Variants in TTBK2 observed in about 807,000 individuals in gnomAD.
TTBK2 encodes tau tubulin kinase 2.
TTBK2 carries 28 observed loss-of-function variants against 110.8 expected under a neutral mutation model. The observed-to-expected ratio is 0.25, with a 90% CI of 0.19 to 0.35. The LOEUF (loss-of-function observed/expected upper bound fraction) is 0.35, where lower values mean the gene tolerates loss of function less well. TTBK2 is among the 10% of genes least tolerant of loss of function. The pLI is 1.00. For missense variants in TTBK2, 1,369 were observed against 1,500.3 expected, an observed-to-expected ratio of 0.91 and a Z score of 1.45; for synonymous variants, 532 against 527.3, an observed-to-expected ratio of 1.01 and a Z score of -0.12.
chr15:42,807,311 TGGATTCCA>T lies in TTBK2; in HGVS notation c.822+3295_822+3302del, dbSNP rs1891509213. On this transcript the variant is annotated intron_variant, in intron 9 of 14. Transcript: ENST00000267890. ...GGCTCACCAACGGTGTGTATATTTA[TGGATTCCA>T]TTAGTCTTCTCAACTTGCTAAGTGA... Among the ~76,000 whole-genome samples, 3 of 152,300 alleles carry T rather than the reference TGGATTCCA, an allele frequency of 2.0e-5. No individual in the cohort carries two copies. The South Asian group carries it at 6.2e-4, about 32-fold the overall frequency.
At chr15:42,854,442 G>A (rs148982174) in intron 3 of TTBK2, among the ~76,000 whole-genome samples, 191 of 152,198 alleles carry the variant, frequency 1.3e-3, no homozygotes, top group African/African-American at 4.1e-3. Context: ...AACATGTAAC[G>A]TAATTCAGTC....
chr15:42,877,535 A>G (rs995085359), intron 2 of TTBK2, among the ~76,000 whole-genome samples: 1 of 152,230 alleles, frequency 6.6e-6, no homozygotes, highest in African/African-American at 2.4e-5. Context: ...AGAAATGAAA[A>G]GTAATGGCAA....
intron 9 of TTBK2, chr15:42,800,324 TA>T: frequency 2.3e-6 from 1 of 436,736 alleles, no homozygotes. Context: ...TCCTACTACC[TA>T]AAATACCCTT....
At chr15:42,791,967 C>G (rs1339171601) in intron 10 of TTBK2, among the ~76,000 whole-genome samples, 2 of 152,118 alleles carry the variant, frequency 1.3e-5, no homozygotes, top group African/African-American at 4.8e-5. Flanking sequence ...CATGGTGAAA[C>G]CCCCTCTCTA....
chr15:42,820,881 A>G (rs540810608), intron 6 of TTBK2, among the ~76,000 whole-genome samples: 4 of 152,162 alleles, frequency 2.6e-5, no homozygotes, highest in Admixed American at 2.0e-4. Context: ...ATGGTGGCAC[A>G]CACCTATAGC....
chr15:42,867,016 G>A (rs994772467), intron 3 of TTBK2, among the ~76,000 whole-genome samples: 26 of 152,108 alleles, frequency 1.7e-4, no homozygotes, highest in Admixed American at 3.9e-4. Context: ...AGGCCGAGGC[G>A]GGCGGATCAC....
intron 7 of TTBK2, among the ~76,000 whole-genome samples, chr15:42,813,496 T>A (rs1393411995): frequency 1.3e-5 from 2 of 151,992 alleles, no homozygotes. Context: ...TACTCCAGCC[T>A]GGGCAACAGA....
intron 3 of TTBK2, among the ~76,000 whole-genome samples, chr15:42,872,304 A>C (rs1237056158): frequency 6.6e-6 from 1 of 152,350 alleles, no homozygotes; most frequent in East Asian, 1.9e-4. Context: ...AGTTTAAAAA[A>C]GAAAGGCAAA....
At chr15:42,772,701 T>A (rs1889729496) in intron 13 of TTBK2, among the ~76,000 whole-genome samples, 3 of 152,082 alleles carry the variant, frequency 2.0e-5, no homozygotes, top group African/African-American at 7.2e-5. Flanking sequence ...ATCCCAAGAT[T>A]ATAGACAGGC....
At chr15:42,899,897 C>A (rs2029889901) in intron 1 of TTBK2, among the ~76,000 whole-genome samples, 1 of 150,884 alleles carries the variant, frequency 6.6e-6, no homozygotes, top group South Asian at 2.1e-4. Context: ...AGCGAAACTC[C>A]ATCTCAAGAA....
chr15:42,886,169 ATCTGACC>A (rs1895237849), intron 1 of TTBK2, among the ~76,000 whole-genome samples: 1 of 151,982 alleles, frequency 6.6e-6, no homozygotes, highest in African/African-American at 2.4e-5. Context: ...CTACGGACTC[ATCTGACC>A]TCTCCCCTTC....
chr15:42,752,986 G>C lies in TTBK2; in HGVS notation c.2260C>G (p.Leu754Val), dbSNP rs374595367. 2.5e-6 allele frequency: 4 copies of C among 1,614,078 alleles called. No individual in the cohort carries two copies. Among genetic ancestry groups the C allele is most frequent in the Non-Finnish European group, 3.4e-6 (4 of 1,180,042 alleles). ...TGATCAGGAAGTTCTTTTGGTCCCA[G>C]GTCTTGAGATTTGTTACTTTCTCTA... is the stretch of plus-strand genomic sequence containing the variant. ...NIRESNKSQD[L>V]GPKELPDHNR... is the part of the protein sequence containing the mutation. The change falls in exon 14 of 15, where the codon CTG (leucine) becomes GTG (valine). Residue 754 changes from leucine (L) to valine (V), a missense_variant. Physicochemically the swap from Leu to Val is conservative, Grantham distance 32. Around this residue, in one of 4 missense-constraint regions of TTBK2, gnomAD observed 1,097 missense variants for 1,114.7 expected, o/e 0.98. Transcript: ENST00000267890.
intron 13 of TTBK2, among the ~76,000 whole-genome samples, chr15:42,769,321 A>G (rs1347102060): frequency 6.6e-6 from 1 of 152,244 alleles, no homozygotes; most frequent in African/African-American, 2.4e-5. Flanking sequence ...CAGAGTGAAC[A>G]GGCAACTTAT....
chr15:42,828,161 T>C, intron 5 of TTBK2, 129 bp from the exon 6 acceptor site: 1 of 700,990 alleles, frequency 1.4e-6, no homozygotes, highest in Non-Finnish European at 2.4e-6. Flanking sequence ...TATACTATTC[T>C]AGTAAATGAT....
intron 1 of TTBK2, among the ~76,000 whole-genome samples, chr15:42,899,905 G>A (rs1284527556): frequency 6.6e-6 from 1 of 150,756 alleles, no homozygotes; most frequent in African/African-American, 2.4e-5. Context: ...TCCATCTCAA[G>A]AAAAAAGAAA....
At chr15:42,771,845 G>A (rs1889691525) in intron 13 of TTBK2, among the ~76,000 whole-genome samples, 1 of 152,146 alleles carries the variant, frequency 6.6e-6, no homozygotes, top group Admixed American at 6.6e-5. Flanking sequence ...TAATCTCCTG[G>A]CACGAGGGAC....
chr15:42,820,992 G>T (rs934675050), intron 6 of TTBK2, among the ~76,000 whole-genome samples: 1 of 151,844 alleles, frequency 6.6e-6, no homozygotes, highest in East Asian at 1.9e-4. Context: ...AGTGAGCTGA[G>T]ATCGTGCCAC....
At chr15:42,900,158 A>G (rs2029903576) in intron 1 of TTBK2, among the ~76,000 whole-genome samples, 1 of 150,898 alleles carries the variant, frequency 6.6e-6, no homozygotes, top group Non-Finnish European at 1.5e-5. Context: ...ACGCCCGGCC[A>G]ATTTTTGTGT....
chr15:42,816,583 C>T (rs578216801), intron 7 of TTBK2, among the ~76,000 whole-genome samples: 3 of 152,106 alleles, frequency 2.0e-5, no homozygotes, highest in South Asian at 4.2e-4. Flanking sequence ...TGAATTAGGA[C>T]GAACATTCCA....
Sources: allele counts gnomAD v4.1 joint callset (sites outside exome capture counted in the v4.1 genomes callset), GRCh38; gene constraint gnomAD v4.1.1; regional missense constraint gnomAD v4.1.1; transcripts MANE v1.5; gene names NCBI Gene and HGNC (gene_info 2026-07-23, HGNC 2026-07-21).